Variants in ABCA6 observed in about 807,000 individuals in gnomAD.
ABCA6 encodes the protein ATP-binding cassette sub-family A member 6.
A neutral mutation model predicts 191.2 loss-of-function variants in ABCA6; 164 were observed. The observed-to-expected ratio is 0.86, with a 90% CI of 0.76 to 0.98. The LOEUF (loss-of-function observed/expected upper bound fraction) is 0.98. ABCA6 is among the 50% of genes least tolerant of loss of function. ABCA6 has a pLI of 0.00. For synonymous variants in ABCA6, 636 were observed against 647.7 expected (o/e 0.98, Z 0.27); for missense variants, 1,958 against 1,894.1 (o/e 1.03, Z -0.63).
At chr17:69,100,283 A>G (rs1456073546) in intron 22 of ABCA6, among the ~76,000 whole-genome samples, 3 of 152,234 alleles carry the variant, frequency 2.0e-5, no homozygotes, top group Admixed American at 6.5e-5. Context: ...CAACTGACAC[A>G]GAATCCAATG....
chr17:69,133,311 T>C (rs2073896386), intron 6 of ABCA6, among the ~76,000 whole-genome samples: 1 of 152,202 alleles, frequency 6.6e-6, no homozygotes, highest in Admixed American at 6.6e-5. Context: ...GCACCTGGGT[T>C]AGAGTCTCAG....
chr17:69,119,301 T>G (rs1185137175), intron 10 of ABCA6, among the ~76,000 whole-genome samples: 2 of 152,114 alleles, frequency 1.3e-5, no homozygotes, highest in East Asian at 3.9e-4. Context: ...GCATGGACAT[T>G]CAACTACTCT....
In ABCA6 at chr17:69,110,937, T is replaced by C; in HGVS notation, c.2136A>G (p.Leu712=). 6.3e-7 allele frequency: 1 copy of C among 1,586,954 alleles called. No homozygotes were observed. The highest frequency in any genetic ancestry group is 8.5e-7 in the Non-Finnish European group (1 of 1,170,442). ...CTGGGTTACATATTTCATTCCTATGTAAACTAATATTTAAAAGAAAAGATA... is the reference window on the plus strand; with the variant it reads ...CTGGGTTACATATTTCATTCCTATGCAAACTAATATTTAAAAGAAAAGATA... ...RRWGLGYHLS[L]HRNEICNPEQ... is the part of the protein sequence containing the mutation. Residue 712 remains leucine, a synonymous_variant, in exon 17 of 39, where the codon TTA becomes TTG. Transcript: ENST00000284425.
intron 29 of ABCA6, among the ~76,000 whole-genome samples, chr17:69,087,079 G>T (rs1375402308): frequency 6.6e-6 from 1 of 152,086 alleles, no homozygotes; most frequent in Non-Finnish European, 1.5e-5. Flanking sequence ...ATGAGGTCTT[G>T]TTGGTTTTGC....
At chr17:69,114,356 T>A (rs1050540118) in intron 13 of ABCA6, among the ~76,000 whole-genome samples, 6 of 137,390 alleles carry the variant, frequency 4.4e-5, no homozygotes, top group Admixed American at 8.4e-5. Context: ...TAGGTGGGAA[T>A]TGAACAATGA....
At position 69,128,831 on chromosome 17, in the gene ABCA6, G is replaced by A. The variant is rs753237797; in HGVS notation, c.934-27C>T. On this transcript the variant is annotated intron_variant, in intron 7 of 38. Coordinates refer to ENST00000284425, the MANE Select transcript of ABCA6 (RefSeq NM_080284.3). Reference sequence around the variant, plus strand: ...TGCAAGAGAGAGAAGACATTCAGCTGTTATAAAAAATATTTAGCTCACTGA... The same window carrying A: ...TGCAAGAGAGAGAAGACATTCAGCTATTATAAAAAATATTTAGCTCACTGA... The A allele has an allele frequency of 8.5e-6, 13 of 1,522,528 alleles. No individual in the cohort carries two copies. The South Asian group carries it at 9.4e-5, about 11-fold the overall frequency. The allele number at this position is 1,522,528 out of a possible 1,614,324, so 94.3% of individuals were successfully genotyped here.
rs893717021 is a variant in ABCA6 at position 69,112,292 on chromosome 17, G to A, written c.2042-19C>T. ...TTTCTATCTGAATGAAAGAAATCAAGGGAGAAAAGATATTGGGGGTCATTT... is the reference window on the plus strand; with the variant it reads ...TTTCTATCTGAATGAAAGAAATCAAAGGAGAAAAGATATTGGGGGTCATTT... On this transcript the variant is annotated intron_variant, in intron 15 of 38. Coordinates refer to ENST00000284425, the MANE Select transcript of ABCA6 (RefSeq NM_080284.3). 1 of 1,581,836 alleles carries A rather than the reference G, an allele frequency of 6.3e-7. No individual in the cohort carries two copies. The highest frequency in any genetic ancestry group is 2.2e-5 in the East Asian group (1 of 44,620).
rs1313727642 is a variant in ABCA6, at chr17:69,084,509, T to G, written c.4185-2A>C. 2 of 1,613,844 alleles carry G rather than the reference T, an allele frequency of 1.2e-6. No homozygotes were observed. The highest frequency in any genetic ancestry group is 2.2e-5 in the East Asian group (1 of 44,882). ...TGCAGTTTGAAAGCACTCACTAATC[T>G]GACAGAAAACAGAATGAGAATATCT... On this transcript the variant is annotated splice_acceptor_variant, in intron 32 of 38. Transcript: ENST00000284425. LOFTEE classifies it high-confidence loss of function.
intron 6 of ABCA6, among the ~76,000 whole-genome samples, chr17:69,133,044 T>C (rs944056149): frequency 1.3e-5 from 2 of 152,164 alleles, no homozygotes; most frequent in Non-Finnish European, 2.9e-5. Context: ...TAAATATCAA[T>C]ATATATAGCA....
intron 6 of ABCA6, among the ~76,000 whole-genome samples, chr17:69,130,445 G>A (rs1402660296): frequency 6.6e-6 from 1 of 152,080 alleles, no homozygotes; most frequent in Non-Finnish European, 1.5e-5. Flanking sequence ...TATGACTATT[G>A]TATTAAACAG....
chr17:69,082,172 C>T (rs1371689050), intron 36 of ABCA6, among the ~76,000 whole-genome samples: 1 of 148,586 alleles, frequency 6.7e-6, no homozygotes, highest in Non-Finnish European at 1.5e-5. Flanking sequence ...GTTCTGATAT[C>T]TATCTTAGAA....
chr17:69,089,511 T>C lies in ABCA6; in HGVS notation c.3560A>G (p.Glu1187Gly). The change falls in exon 27 of 39, where the codon GAG becomes GGG. Residue 1187 changes from glutamate to glycine, a missense_variant. Coordinates refer to ENST00000284425, the MANE Select transcript of ABCA6 (RefSeq NM_080284.3). ...RDQEHYREFP[E>G]ANFELSATDF... The stretch of plus-strand genomic sequence containing the variant: ...AGTGGCACTCAATTCAAAATTTGCC[T>C]CTGGAAATTCTCTGTAGTGCTCCTG... The C allele has an allele frequency of 3.1e-6, 5 of 1,613,674 alleles. No homozygotes were observed. The South Asian group carries it at 3.3e-5, about 11-fold the overall frequency.
At position 69,128,729 on chromosome 17, in the gene ABCA6, G is replaced by C; in HGVS notation, c.1009C>G (p.Leu337Val). ...GTGAATCCCAGACATCCCCAAAAGA[G>C]GGTAAGGAGAAACACAACCAAATTG... ...LTNLVVFLLT[L>V]FWGCLGFTVF... is the part of the protein sequence containing the mutation. Residue 337 changes from leucine to valine, a missense_variant, in exon 8 of 39, where the codon CTC becomes GTC. By Grantham distance (32) the Leu-to-Val change is conservative. Coordinates refer to ENST00000284425, the MANE Select transcript of ABCA6 (RefSeq NM_080284.3). 6.2e-7 allele frequency: 1 copy of C among 1,612,874 alleles called. No homozygotes were observed. Among genetic ancestry groups the C allele is most frequent in the Non-Finnish European group, 8.5e-7 (1 of 1,179,300 alleles).
intron 19 of ABCA6, 101 bp downstream of exon 19, chr17:69,105,927 G>T: frequency 1.6e-6 from 2 of 1,273,402 alleles, no homozygotes; most frequent in Non-Finnish European, 2.2e-6. Flanking sequence ...CCACCCCGTG[G>T]CAGGAATGTC....
intron 6 of ABCA6, among the ~76,000 whole-genome samples, chr17:69,130,749 A>G (rs146672987): frequency 2.5e-3 from 380 of 152,322 alleles, no homozygotes; most frequent in Non-Finnish European, 4.4e-3. Context: ...GCCTCTGATC[A>G]ATCAAGTAAC....
In ABCA6 at chr17:69,110,809, G is replaced by T. The variant is rs2073407270; in HGVS notation, c.2264C>A (p.Thr755Lys). The T allele has an allele frequency of 1.2e-6, 2 of 1,606,244 alleles. No individual in the cohort carries two copies. The highest frequency in any genetic ancestry group is 1.7e-6 in the Non-Finnish European group (2 of 1,176,924). The change falls in exon 17 of 39, where the codon ACA becomes AAA. Residue 755 changes from threonine (T) to lysine (K), a missense_variant. By Grantham distance (78) the Thr-to-Lys change is moderately conservative. Transcript: ENST00000284425. ...VYTLPLERTNTFPDLFSDLDK... is the reference protein window; with the variant it reads ...VYTLPLERTNKFPDLFSDLDK... ...AATCATAGTTGAGTTACCTGGAAAT[G>T]TATTTGTCCTTTCCAGTGGCAAAGT...
At chr17:69,130,326 AAAAG>A (rs2073840050) in intron 6 of ABCA6, among the ~76,000 whole-genome samples, 1 of 152,010 alleles carries the variant, frequency 6.6e-6, no homozygotes, top group Non-Finnish European at 1.5e-5. Flanking sequence ...CAAAAAAAAA[AAAAG>A]GATGCCAAAA....
intron 6 of ABCA6, among the ~76,000 whole-genome samples, chr17:69,132,963 CAT>C (rs1228675896): frequency 1.3e-5 from 2 of 152,250 alleles, no homozygotes; most frequent in East Asian, 3.9e-4. Flanking sequence ...ATACATAGCA[CAT>C]ATGTATGTGT....
chr17:69,106,988 A>T (rs115113823), intron 18 of ABCA6, among the ~76,000 whole-genome samples: 1 of 152,188 alleles, frequency 6.6e-6, no homozygotes, highest in African/African-American at 2.4e-5. Context: ...TTCTGCATAA[A>T]AATAGCCAAT....
Sources: gnomAD v4.1 joint callset for allele counts (sites outside exome capture counted in the v4.1 genomes callset) on GRCh38, gnomAD v4.1.1 for gene constraint, MANE v1.5 for transcripts, NCBI Gene and HGNC (gene_info 2026-07-23, HGNC 2026-07-21) for gene names.